Variants in RASAL2 observed in about 807,000 individuals in gnomAD.
The protein encoded by RASAL2 is ras GTPase-activating protein nGAP.
In RASAL2, 58 loss-of-function variants were observed where a neutral mutation model predicts 128.9. That is an observed-to-expected ratio of 0.45 (90% CI 0.36 to 0.56). The LOEUF is 0.56. Among genes scored for constraint, RASAL2 ranks in the 20% least tolerant of loss-of-function variants. The probability of loss-of-function intolerance (pLI) is 0.00; values close to 1 mark genes in which losing one functional copy is unlikely to be tolerated. For synonymous variants in RASAL2, 561 were observed against 580.8 expected (o/e 0.97, Z 0.49); for missense variants, 1,360 against 1,601.6 (o/e 0.85, Z 2.57).
At chr1:178,297,171 GA>G (rs766568379) in intron 2 of RASAL2, among the ~76,000 whole-genome samples, 6 of 152,106 alleles carry the variant, frequency 3.9e-5, no homozygotes, top group Admixed American at 6.6e-5. Flanking sequence ...TCACACTGGA[GA>G]AAATTGCTCA....
intron 2 of RASAL2, among the ~76,000 whole-genome samples, chr1:178,299,567 G>A (rs1034856363): frequency 1.3e-5 from 2 of 151,122 alleles, no homozygotes; most frequent in African/African-American, 4.9e-5. Context: ...GTGTGATCTC[G>A]GCTCACTGCA....
Position 178,476,366 on chromosome 1 carries a change from G to A in RASAL2, c.*3127G>A, listed in dbSNP as rs1338737298. On this transcript the variant is annotated 3_prime_UTR_variant, in exon 18 of 18. Transcript: ENST00000367649. ...GCAAAAAGAGTCACATTTCCATCAGGTCATCATATTCCCTGAGTCTCTGCA... is the reference window on the plus strand; with the variant it reads ...GCAAAAAGAGTCACATTTCCATCAGATCATCATATTCCCTGAGTCTCTGCA... 1 of 152,154 alleles carries A rather than the reference G, an allele frequency of 6.6e-6. No homozygotes were observed. Among genetic ancestry groups the A allele is most frequent in the Non-Finnish European group, 1.5e-5 (1 of 68,038 alleles). 9.4% of individuals were successfully genotyped at this position (152,154 alleles called of 1,614,324 possible).
At chr1:178,220,473 C>A (rs1302303908) in intron 1 of RASAL2, among the ~76,000 whole-genome samples, 3 of 152,014 alleles carry the variant, frequency 2.0e-5, no homozygotes, top group African/African-American at 7.3e-5. Flanking sequence ...ATAATAGATA[C>A]AATAGTAATG....
In RASAL2 at chr1:178,390,175, A is replaced by C. The variant is rs1485604865; in HGVS notation, c.533A>C (p.Asp178Ala). 1 of 1,612,264 alleles carries C rather than the reference A, an allele frequency of 6.2e-7. No individual in the cohort carries two copies. Among genetic ancestry groups the C allele is most frequent in the Non-Finnish European group, 8.5e-7 (1 of 1,178,704 alleles). The change falls in exon 4 of 18, where the codon GAC becomes GCC. Residue 178 changes from aspartate to alanine, a missense_variant. This residue lies in a region of RASAL2 where 617 missense variants were observed against 714.2 expected (regional missense o/e 0.86). Coordinates refer to ENST00000367649, the MANE Select transcript of RASAL2 (RefSeq NM_170692.4). Reference protein sequence around the residue: ...TSTSEKPNSMDTANTSPFKVP... With the variant: ...TSTSEKPNSMATANTSPFKVP... ...ACATCAGAGAAACCCAACTCCATGG[A>C]CACTGCAAATACCTCACCCTTCAAA...
At chr1:178,307,255 A>G (rs552439678) in intron 3 of RASAL2, among the ~76,000 whole-genome samples, 1 of 152,142 alleles carries the variant, frequency 6.6e-6, no homozygotes, top group Non-Finnish European at 1.5e-5. Flanking sequence ...ATATTTTTAA[A>G]TAAAATATAC....
chr1:178,229,345 A>G (rs1267239936), intron 1 of RASAL2, among the ~76,000 whole-genome samples: 1 of 152,220 alleles, frequency 6.6e-6, no homozygotes, highest in East Asian at 1.9e-4. Context: ...TCCCCAGTTC[A>G]TGATACAATC....
intron 1 of RASAL2, among the ~76,000 whole-genome samples, chr1:178,094,934 T>C (rs553299472): frequency 6.6e-6 from 1 of 152,292 alleles, no homozygotes; most frequent in South Asian, 2.1e-4. Context: ...AATGCGGGAG[T>C]TGGGCTATCC....
In RASAL2 at chr1:178,177,530, G is replaced by GA. The variant is rs539543015; in HGVS notation, c.202+82842dup. Among the ~76,000 whole-genome samples the GA allele has an allele frequency of 1.3e-4, 20 of 152,170 alleles. No homozygotes were observed. In the East Asian group the frequency reaches 2.3e-3, roughly 18 times the overall value. On this transcript the variant is annotated intron_variant, in intron 1 of 17. Coordinates refer to ENST00000367649, the MANE Select transcript of RASAL2 (RefSeq NM_170692.4). The stretch of plus-strand genomic sequence containing the variant: ...AAAGGAAAGAAACATGCTTCTAATA[G>GA]AAAAAATATATTAAAAAGGAACAGT...
intron 4 of RASAL2, among the ~76,000 whole-genome samples, chr1:178,395,783 ATATATATATTTATT>A (rs1456633439): frequency 4.8e-5 from 7 of 146,886 alleles, no homozygotes; most frequent in African/African-American, 1.8e-4. Context: ...ATATATATAT[ATATATATATTTATT>A]TATTCATATG....
At position 178,443,044 on chromosome 1, in the gene RASAL2, C is replaced by G. The variant is rs1473338434; in HGVS notation, c.1297C>G (p.Arg433Gly). Residue 433 changes from arginine (R) to glycine (G), a missense_variant, in exon 8 of 18, where the codon CGG (arginine) becomes GGG (glycine). Around this residue, in one of 3 missense-constraint regions of RASAL2, gnomAD observed 617 missense variants for 714.2 expected, o/e 0.86. Coordinates refer to ENST00000367649, the MANE Select transcript of RASAL2 (RefSeq NM_170692.4). ...NKGKTGGPSI[R>G]IKSRFQTITI... ...AGGAAAGACAGGAGGACCTTCTATT[C>G]GGATTAAATCACGTTTCCAAACTAT... is the stretch of plus-strand genomic sequence containing the variant. 2 of 1,614,042 alleles carry G rather than the reference C, an allele frequency of 1.2e-6. No individual in the cohort carries two copies. The highest frequency in any genetic ancestry group is 8.5e-7 in the Non-Finnish European group (1 of 1,179,970).
chr1:178,340,405 T>A (rs1380377480), intron 3 of RASAL2, among the ~76,000 whole-genome samples: 5 of 152,178 alleles, frequency 3.3e-5, no homozygotes, highest in Non-Finnish European at 7.3e-5. Flanking sequence ...GGTCATCATA[T>A]TAATAATGAA....
intron 3 of RASAL2, among the ~76,000 whole-genome samples, chr1:178,349,532 A>G (rs1426522287): frequency 6.6e-6 from 1 of 152,126 alleles, no homozygotes; most frequent in African/African-American, 2.4e-5. Context: ...AGGCTTGTGG[A>G]TGTATCCTCA....
At chr1:178,113,509 CGAGTGTGTGTGTGT>C (rs1659412047) in intron 1 of RASAL2, among the ~76,000 whole-genome samples, 1 of 99,700 alleles carries the variant, frequency 1.0e-5, no homozygotes, top group Non-Finnish European at 2.0e-5. Flanking sequence ...TGCATGCCTG[CGAGTGTGTGTGTGT>C]GTGTGTGTGT....
chr1:178,113,683 G>A (rs1362934444), intron 1 of RASAL2, among the ~76,000 whole-genome samples: 5 of 151,872 alleles, frequency 3.3e-5, no homozygotes, highest in Admixed American at 2.0e-4. Flanking sequence ...ACACCTGGGC[G>A]GAAATTTTAG....
chr1:178,284,679 G>A (rs377442474), intron 2 of RASAL2, among the ~76,000 whole-genome samples: 3 of 152,014 alleles, frequency 2.0e-5, no homozygotes, highest in African/African-American at 7.3e-5. Context: ...TTGATATTCT[G>A]ATCTGGTATG....
At chr1:178,237,010 C>T (rs111625116) in intron 1 of RASAL2, among the ~76,000 whole-genome samples, 1,863 of 151,988 alleles carry the variant, frequency 0.012, 44 homozygotes, top group African/African-American at 0.042. Context: ...GTGATCCACC[C>T]GCCTCAGCCT....
chr1:178,176,214 A>G (rs964065999), intron 1 of RASAL2, among the ~76,000 whole-genome samples: 1 of 144,854 alleles, frequency 6.9e-6, no homozygotes, highest in East Asian at 1.9e-4. Context: ...CATCCATGCC[A>G]ACATCTGTTG....
At chr1:178,462,182 GA>G (rs1400332219) in intron 14 of RASAL2, among the ~76,000 whole-genome samples, 1 of 152,118 alleles carries the variant, frequency 6.6e-6, no homozygotes, top group African/African-American at 2.4e-5. Flanking sequence ...CTATAAACTA[GA>G]GATATTTTTT....
intron 3 of RASAL2, among the ~76,000 whole-genome samples, chr1:178,333,103 A>G (rs1286547406): frequency 2.0e-5 from 3 of 151,462 alleles, no homozygotes; most frequent in Non-Finnish European, 4.4e-5. Context: ...ATCTGGGCTC[A>G]CTGCAAGCTC....
Sources: gnomAD v4.1 joint callset for allele counts (sites outside exome capture counted in the v4.1 genomes callset) on GRCh38, gnomAD v4.1.1 for gene constraint, gnomAD v4.1.1 regional missense constraint, MANE v1.5 for transcripts, NCBI Gene and HGNC (gene_info 2026-07-23, HGNC 2026-07-21) for gene names.